The following TBL1X variants were observed in gnomAD, a reference collection of about 807,000 sequenced individuals.
TBL1X encodes the protein transducin beta like 1 X-linked.
A neutral mutation model predicts 50.7 loss-of-function variants in TBL1X; 10 were observed. The observed-to-expected ratio is 0.20, with a 90% CI of 0.12 to 0.33. The LOEUF (loss-of-function observed/expected upper bound fraction) is 0.33, where lower values mean the gene tolerates loss of function less well. TBL1X is among the 10% of genes least tolerant of loss of function. The pLI is 1.00. For missense variants in TBL1X, 340 were observed against 504.4 expected (o/e 0.67, Z 3.12); for synonymous variants, 190 against 214.7 (o/e 0.88, Z 1.01).
At chrX:9,532,597 C>T (rs993939657) in intron 2 of TBL1X, among the ~76,000 whole-genome samples, 10 of 111,072 alleles carry the variant, frequency 9.0e-5, no homozygotes, top group African/African-American at 3.0e-4. Flanking sequence ...ACGTGCCGGG[C>T]GGCTGTAACA....
At chrX:9,517,027 G>A (rs960906438) in intron 2 of TBL1X, among the ~76,000 whole-genome samples, 4 of 111,732 alleles carry the variant, frequency 3.6e-5, no homozygotes, top group Non-Finnish European at 5.6e-5. Context: ...AAACATCTTC[G>A]TTATAAACTG....
intron 1 of TBL1X, among the ~76,000 whole-genome samples, chrX:9,499,320 C>T (rs2081988461): frequency 9.0e-6 from 1 of 111,540 alleles, no homozygotes. Flanking sequence ...ACCAGCTCGC[C>T]CTTGATGCGA....
intron 2 of TBL1X, among the ~76,000 whole-genome samples, chrX:9,617,569 T>C (rs2082645377): frequency 8.9e-6 from 1 of 112,303 alleles, no homozygotes; most frequent in African/African-American, 3.2e-5. Context: ...GTATATTTGT[T>C]CTCAATGGGA....
At chrX:9,484,810 G>A (rs189680663) in intron 1 of TBL1X, among the ~76,000 whole-genome samples, 111 of 108,352 alleles carry the variant, frequency 1.0e-3, no homozygotes, top group Non-Finnish European at 1.2e-3. Flanking sequence ...ATCCAGGCAC[G>A]GTGGCTCATG....
At chrX:9,606,228 G>C (rs2082582568) in intron 2 of TBL1X, among the ~76,000 whole-genome samples, 1 of 111,960 alleles carries the variant, frequency 8.9e-6, no homozygotes, top group African/African-American at 3.3e-5. Context: ...GTACTGGAGT[G>C]TGAATGCCAG....
At position 9,665,519 on chromosome X, in the gene TBL1X, AT is replaced by A. The variant is rs2082924655; in HGVS notation, c.211+11198del. ...TATATATATATATATATATATATAT[AT>A]ATATATATATATATATATAAAAGGC... On this transcript the variant is annotated intron_variant, in intron 5 of 17. Transcript: ENST00000645353. 7.1e-5 allele frequency among the ~76,000 whole-genome samples: 4 copies of A among 56,104 alleles called. 1 individual carries two copies. Among genetic ancestry groups the A allele is most frequent in the Non-Finnish European group, 1.3e-4 (4 of 30,566 alleles). 48.7% of individuals were successfully genotyped at this position (56,104 alleles called of 115,157 possible).
intron 1 of TBL1X, among the ~76,000 whole-genome samples, chrX:9,495,704 A>G (rs938615923): frequency 9.0e-6 from 1 of 111,681 alleles, no homozygotes; most frequent in Non-Finnish European, 1.9e-5. Context: ...TAACGCACGT[A>G]TTTTCCCCAT....
At chrX:9,476,579 T>C (rs2081850680) in intron 1 of TBL1X, among the ~76,000 whole-genome samples, 1 of 112,323 alleles carries the variant, frequency 8.9e-6, no homozygotes, top group African/African-American at 3.2e-5. Context: ...TTCCTGTGCT[T>C]TCAAGGGGCA....
chrX:9,617,297 A>G (rs2082644122), intron 2 of TBL1X, among the ~76,000 whole-genome samples: 1 of 111,379 alleles, frequency 9.0e-6, no homozygotes, highest in Admixed American at 9.5e-5. Flanking sequence ...CCTTCCACAG[A>G]GCATTCTCTG....
chrX:9,496,506 G>T (rs2081971828), intron 1 of TBL1X, among the ~76,000 whole-genome samples: 1 of 112,787 alleles, frequency 8.9e-6, no homozygotes, highest in South Asian at 3.6e-4. Flanking sequence ...CAATTATTTT[G>T]CACCCACATT....
intron 5 of TBL1X, among the ~76,000 whole-genome samples, chrX:9,678,727 A>G (rs764594159): frequency 8.9e-6 from 1 of 112,715 alleles, no homozygotes; most frequent in African/African-American, 3.2e-5. Flanking sequence ...TTGCTGATGA[A>G]TCAGGCCAAC....
At chrX:9,661,335 G>T (rs961090773) in intron 5 of TBL1X, among the ~76,000 whole-genome samples, 2 of 111,913 alleles carry the variant, frequency 1.8e-5, no homozygotes, top group Non-Finnish European at 3.8e-5. Context: ...ATTGCTTTGA[G>T]CCCAGGAGTT....
intron 2 of TBL1X, among the ~76,000 whole-genome samples, chrX:9,605,977 A>G (rs1163243011): frequency 8.9e-6 from 1 of 112,378 alleles, no homozygotes; most frequent in Non-Finnish European, 1.9e-5. Context: ...GGTGAAAACT[A>G]CAAACGTTAA....
chrX:9,601,156 TGGA>T (rs1177266681), intron 2 of TBL1X, among the ~76,000 whole-genome samples: 1 of 111,507 alleles, frequency 9.0e-6, no homozygotes, highest in Non-Finnish European at 1.9e-5. Context: ...ATTCAGGGCC[TGGA>T]GGGTGGTACC....
chrX:9,609,560 A>G (rs1452030256), intron 2 of TBL1X, among the ~76,000 whole-genome samples: 1 of 111,249 alleles, frequency 9.0e-6, no homozygotes, highest in Non-Finnish European at 1.9e-5. Context: ...ATGTTCCATC[A>G]TTTATATCAC....
intron 2 of TBL1X, among the ~76,000 whole-genome samples, chrX:9,611,783 G>C (rs1226897600): frequency 8.9e-6 from 1 of 111,982 alleles, no homozygotes; most frequent in East Asian, 2.8e-4. Flanking sequence ...TGTGTCTTTC[G>C]GGGCAGTCTG....
chrX:9,474,743 C>G (rs1384135957), intron 1 of TBL1X, among the ~76,000 whole-genome samples: 1 of 112,939 alleles, frequency 8.9e-6, no homozygotes, highest in Non-Finnish European at 1.9e-5. Context: ...GACGGATGCC[C>G]TCAGGGCTCT....
intron 2 of TBL1X, among the ~76,000 whole-genome samples, chrX:9,603,919 G>C (rs2082569282): frequency 1.8e-5 from 2 of 111,259 alleles, no homozygotes; most frequent in African/African-American, 6.5e-5. Flanking sequence ...GCCTCCCTGG[G>C]TGTCTCTGTC....
chrX:9,613,546 G>T (rs2082624124), intron 2 of TBL1X, among the ~76,000 whole-genome samples: 1 of 111,599 alleles, frequency 9.0e-6, no homozygotes, highest in African/African-American at 3.3e-5. Flanking sequence ...TTGAGATATA[G>T]TACAAATGTA....
Sources: allele counts gnomAD v4.1 joint callset (sites outside exome capture counted in the v4.1 genomes callset), GRCh38; gene constraint gnomAD v4.1.1; transcripts MANE v1.5; gene names NCBI Gene and HGNC (gene_info 2026-07-23, HGNC 2026-07-21).